LRP3: variants seen among roughly 807,000 people sequenced by gnomAD.
LRP3 encodes low-density lipoprotein receptor-related protein 3.
A neutral mutation model predicts 58.5 loss-of-function variants in LRP3; 49 were observed. That is an observed-to-expected ratio of 0.84 (90% CI 0.67 to 1.06). LRP3 has a LOEUF of 1.06. Ranked by LOEUF, LRP3 falls within the 50% of genes least tolerant of loss-of-function variation. LRP3 has a pLI of 0.00. For synonymous variants in LRP3, 485 were observed against 492.2 expected (o/e 0.99, Z 0.20); for missense variants, 1,019 against 1,134.2 (o/e 0.90, Z 1.46).
Position 33,204,714 on chromosome 19 carries a change from C to A in LRP3, c.337C>A (p.Arg113Ser). 6.2e-7 allele frequency: 1 copy of A among 1,610,796 alleles called. No individual in the cohort carries two copies. The highest frequency in any genetic ancestry group is 8.5e-7 in the Non-Finnish European group (1 of 1,179,944). The change falls in exon 4 of 7, where the codon CGC becomes AGC. Residue 113 changes from arginine to serine, a missense_variant. By Grantham distance (110) the Arg-to-Ser change is moderately radical. This residue lies in a region of LRP3 where 592 missense variants were observed against 725.5 expected (regional missense o/e 0.82). Coordinates refer to ENST00000253193, the MANE Select transcript of LRP3 (RefSeq NM_002333.4). ...CCTGCTGGGCCCAGCAGCCCCACCCCGCCAGGAGGCCTTCCGCCTCTGTGG... is the reference window on the plus strand; with the variant it reads ...CCTGCTGGGCCCAGCAGCCCCACCCAGCCAGGAGGCCTTCCGCCTCTGTGG... The part of the protein sequence containing the change: ...WLLLGPAAPP[R>S]QEAFRLCGSA...
At position 33,207,099 on chromosome 19, in the gene LRP3, C is replaced by A. The variant is rs1974426329; in HGVS notation, c.1837C>A (p.His613Asn). 2 of 1,525,310 alleles carry A rather than the reference C, an allele frequency of 1.3e-6. No homozygotes were observed. The highest frequency in any genetic ancestry group is 2.4e-5 in the South Asian group (2 of 82,382). The allele number at this position is 1,525,310 out of a possible 1,614,324, so 94.5% of individuals were successfully genotyped here. Residue 613 changes from histidine (H) to asparagine (N), a missense_variant, in exon 7 of 7, where the codon CAC becomes AAC. His to Asn is a moderately conservative substitution (Grantham distance 68). Transcript: ENST00000253193. ...CGGCCGCCTCTGGAACCGGCTCTTT[C>A]ACCGGCCGCGGGCGCCCCGAGGCCA... is the stretch of plus-strand genomic sequence containing the variant. ...RLGRLWNRLF[H>N]RPRAPRGQIP...
Position 33,204,741 on chromosome 19 carries a change from T to C in LRP3, c.364T>C (p.Ser122Pro). 6.2e-7 allele frequency: 1 copy of C among 1,612,372 alleles called. No homozygotes were observed. Among genetic ancestry groups the C allele is most frequent in the Non-Finnish European group, 8.5e-7 (1 of 1,179,968 alleles). Residue 122 changes from serine to proline, a missense_variant, in exon 4 of 7, where the codon TCC becomes CCC. Ser to Pro is a moderately conservative substitution (Grantham distance 74). Around this residue, in one of 2 missense-constraint regions of LRP3, gnomAD observed 592 missense variants for 725.5 expected, o/e 0.82. Coordinates refer to ENST00000253193, the MANE Select transcript of LRP3 (RefSeq NM_002333.4). ...PRQEAFRLCGSAIPPAFISAR... is the reference protein window; with the variant it reads ...PRQEAFRLCGPAIPPAFISAR... ...CCAGGAGGCCTTCCGCCTCTGTGGC[T>C]CCGCCATCCCACCTGCCTTCATCTC...
At chr19:33,203,672 G>T (rs1974368294) in intron 3 of LRP3, among the ~76,000 whole-genome samples, 3 of 152,162 alleles carry the variant, frequency 2.0e-5, no homozygotes, top group South Asian at 4.1e-4. Flanking sequence ...ACTCAGCTCT[G>T]CCAGGAAGGC....
intron 1 of LRP3, among the ~76,000 whole-genome samples, chr19:33,195,797 G>C (rs1383143811): frequency 6.6e-6 from 1 of 152,198 alleles, no homozygotes; most frequent in Non-Finnish European, 1.5e-5. Context: ...ACCTCAGTGC[G>C]GGGTCATGTG....
intron 2 of LRP3, 29 bp from the exon 3 acceptor site, chr19:33,202,819 C>T (rs368026328): frequency 1.8e-5 from 28 of 1,581,758 alleles, no homozygotes; most frequent in South Asian, 4.5e-5. Flanking sequence ...AAAGATGGGC[C>T]GGCCTTTCTC....
At chr19:33,203,110 G>T in intron 3 of LRP3, 124 bp downstream of exon 3, 1 of 1,225,018 alleles carries the variant, frequency 8.2e-7, no homozygotes, top group Non-Finnish European at 1.1e-6. Context: ...TGTGTGAGCA[G>T]GTGTGGGATC....
intron 6 of LRP3, 80 bp from the exon 7 acceptor site, chr19:33,206,908 G>A (rs1362585765): frequency 4.1e-6 from 5 of 1,227,882 alleles, no homozygotes; most frequent in South Asian, 3.2e-5. Context: ...TCCCTTGGGG[G>A]TGTGCTGTCT....
At chr19:33,199,422 G>A (rs1029077235) in intron 2 of LRP3, among the ~76,000 whole-genome samples, 1 of 150,848 alleles carries the variant, frequency 6.6e-6, no homozygotes, top group Non-Finnish European at 1.5e-5. Context: ...GCAGTGAGCT[G>A]TGATCGCACC....
Position 33,207,571 on chromosome 19 carries a change from G to A in LRP3, c.2309G>A (p.Cys770Tyr). The change falls in exon 7 of 7, where the codon TGT becomes TAT. Residue 770 changes from cysteine (C) to tyrosine (Y), a missense_variant. By Grantham distance (194) the Cys-to-Tyr change is radical. This residue lies in a region of LRP3 where 427 missense variants were observed against 408.6 expected (regional missense o/e 1.04). Transcript: ENST00000253193. ...EASDDEALLV[C>Y] ...AGCGATGATGAGGCCCTGTTGGTCT[G>A]TTGACCGCTGGGCTCGCTGGTGACC... 1 of 1,600,400 alleles carries A rather than the reference G, an allele frequency of 6.2e-7. No individual in the cohort carries two copies. The highest frequency in any genetic ancestry group is 1.1e-5 in the South Asian group (1 of 90,970).
chr19:33,207,416 G>A lies in LRP3; in HGVS notation c.2154G>A (p.Arg718=). ...GCCCAGCTCCTGCAGATGCACCTCG[G>A]GAGCCCTGCTCAGCCCAGGACCCGC... ...VDGPAPADAP[R]EPCSAQDPHP... The change falls in exon 7 of 7, where the codon CGG becomes CGA. Residue 718 remains arginine, a synonymous_variant. Coordinates refer to ENST00000253193, the MANE Select transcript of LRP3 (RefSeq NM_002333.4). 1 of 1,591,844 alleles carries A rather than the reference G, an allele frequency of 6.3e-7. No individual in the cohort carries two copies. Among genetic ancestry groups the A allele is most frequent in the Non-Finnish European group, 8.5e-7 (1 of 1,174,196 alleles).
intron 2 of LRP3, among the ~76,000 whole-genome samples, chr19:33,202,548 C>T (rs2303096): frequency 2.8e-4 from 43 of 152,228 alleles, no homozygotes; most frequent in Admixed American, 6.5e-4. Flanking sequence ...GCTGGCAGGA[C>T]GGGTTGTTGG....
At chr19:33,199,930 G>A (rs1172375818) in intron 2 of LRP3, among the ~76,000 whole-genome samples, 1 of 152,212 alleles carries the variant, frequency 6.6e-6, no homozygotes, top group African/African-American at 2.4e-5. Context: ...AGAGGGGCAG[G>A]TCTATGTCTG....
chr19:33,196,118 A>G (rs2081044), intron 1 of LRP3, among the ~76,000 whole-genome samples: 57,211 of 151,994 alleles, frequency 0.38, 13,414 homozygotes, highest in African/African-American at 0.65. Context: ...TCCTCCTCAA[A>G]GTCAGCTTGG....
chr19:33,206,506 G>A, intron 5 of LRP3, 95 bp from the exon 6 acceptor site: 3 of 1,588,676 alleles, frequency 1.9e-6, no homozygotes, highest in Non-Finnish European at 2.6e-6. Context: ...ATATCTTGGG[G>A]TGTCTGGGTG....
chr19:33,206,861 TGG>T, intron 6 of LRP3, 125 bp from the exon 7 acceptor site: 1 of 1,215,176 alleles, frequency 8.2e-7, no homozygotes, highest in Non-Finnish European at 1.1e-6. Flanking sequence ...CATGGCCAGG[TGG>T]GGGGGGTGGA....
rs1176034056 is a variant in LRP3 at position 33,206,278 on chromosome 19, T to C, written c.1508T>C (p.Ile503Thr). ...CGCAAGGTCATCACGGCGGCGCTCA[T>C]TGGCAGCCTGGTGTGTGGCCTGCTG... ...VPRKVITAAL[I>T]GSLVCGLLLV... The change falls in exon 5 of 7, where the codon ATT becomes ACT. Residue 503 changes from isoleucine to threonine, a missense_variant. Coordinates refer to ENST00000253193, the MANE Select transcript of LRP3 (RefSeq NM_002333.4). The C allele has an allele frequency of 1.3e-6, 2 of 1,598,458 alleles. No individual in the cohort carries two copies. The highest frequency in any genetic ancestry group is 1.1e-5 in the South Asian group (1 of 90,598).
chr19:33,196,578 G>A, intron 1 of LRP3, 152 bp from the exon 2 acceptor site: 1 of 655,002 alleles, frequency 1.5e-6, no homozygotes, highest in Non-Finnish European at 2.7e-6. Context: ...CCCTCTTGAT[G>A]GGCAGTCTTG....
Position 33,207,062 on chromosome 19 carries a change from C to T in LRP3, c.1800C>T (p.Ser600=). ...MRRHASRRGP[S]RRRLGRLWNR... ...GGCACGCCTCCCGCCGGGGGCCCTC[C>T]CGCCGCCGCCTCGGCCGCCTCTGGA... Residue 600 remains serine, a synonymous_variant, in exon 7 of 7, where the codon TCC becomes TCT. Coordinates refer to ENST00000253193, the MANE Select transcript of LRP3 (RefSeq NM_002333.4). 1.3e-6 allele frequency: 2 copies of T among 1,490,334 alleles called. No individual in the cohort carries two copies. Among genetic ancestry groups the T allele is most frequent in the Non-Finnish European group, 1.8e-6 (2 of 1,125,992 alleles). The allele number at this position is 1,490,334 out of a possible 1,614,324, so 92.3% of individuals were successfully genotyped here. A position where few individuals can be genotyped will look rare whatever the true frequency, so the allele number is the denominator to read the frequency against.
intron 2 of LRP3, among the ~76,000 whole-genome samples, chr19:33,197,399 G>C (rs149107961): frequency 6.6e-6 from 1 of 152,332 alleles, no homozygotes; most frequent in African/African-American, 2.4e-5. Flanking sequence ...GCTGAGGCAA[G>C]AGAATGCTTG....
Sources: allele counts gnomAD v4.1 joint callset (sites outside exome capture counted in the v4.1 genomes callset), GRCh38; gene constraint gnomAD v4.1.1; regional missense constraint gnomAD v4.1.1; transcripts MANE v1.5; gene names NCBI Gene and HGNC (gene_info 2026-07-23, HGNC 2026-07-21).